Variants in DNAH6 observed in about 807,000 individuals in gnomAD.
DNAH6 encodes axonemal beta dynein heavy chain 6.
DNAH6 carries 340 observed loss-of-function variants against 491.4 expected under a neutral mutation model. The ratio of observed to expected loss-of-function variants is 0.69; its 90% CI spans 0.63 to 0.76. The LOEUF (loss-of-function observed/expected upper bound fraction) is 0.76, where lower values mean the gene tolerates loss of function less well. Ranked by LOEUF, DNAH6 falls within the 30% of genes least tolerant of loss-of-function variation. The probability of loss-of-function intolerance (pLI) is 0.00; values close to 1 mark genes in which losing one functional copy is unlikely to be tolerated. For missense variants in DNAH6, 4,443 were observed against 4,972.2 expected (o/e 0.89, Z 3.20); for synonymous variants, 1,603 against 1,686.1 (o/e 0.95, Z 1.21).
In DNAH6 at chr2:84,734,977, G is replaced by GCTT. The variant is rs146443206; in HGVS notation, c.10342+1401_10342+1403dup. On this transcript the variant is annotated intron_variant, in intron 62 of 76. Coordinates refer to ENST00000389394, the MANE Select transcript of DNAH6 (RefSeq NM_001370.2). The stretch of plus-strand genomic sequence containing the variant: ...TATATTGCATGCTGGGGAAGTTTGG[G>GCTT]CTTCTAATGATCTCATTGCCCAGGT... Among the ~76,000 whole-genome samples the GCTT allele has an allele frequency of 3.4e-3, 522 of 152,206 alleles. 5 individuals are homozygous for GCTT. The highest frequency in any genetic ancestry group is 0.012 in the African/African-American group (494 of 41,510).
At chr2:84,521,249 C>T (rs1275664073) in intron 2 of DNAH6, among the ~76,000 whole-genome samples, 2 of 151,618 alleles carry the variant, frequency 1.3e-5, no homozygotes, top group Non-Finnish European at 2.9e-5. Flanking sequence ...TTTTCATATG[C>T]TTGTTCGCTA....
chr2:84,708,304 G>A lies in DNAH6; in HGVS notation c.9048+588G>A, dbSNP rs115104949. 9.1e-3 allele frequency among the ~76,000 whole-genome samples: 1,384 copies of A among 151,902 alleles called. 8 individuals carry two copies. Among genetic ancestry groups the A allele is most frequent in the Non-Finnish European group, 0.015 (1,019 of 67,930 alleles). ...AAAAAAAAATACAAAAATTAGCTGG[G>A]CGTAGGGGCAGGTGCCTGTGATCCT... is the stretch of plus-strand genomic sequence containing the variant. On this transcript the variant is annotated intron_variant, in intron 54 of 76. Coordinates refer to ENST00000389394, the MANE Select transcript of DNAH6 (RefSeq NM_001370.2).
intron 26 of DNAH6, among the ~76,000 whole-genome samples, 190 bp from the exon 27 acceptor site, chr2:84,624,075 G>A (rs1401370139): frequency 1.1e-4 from 17 of 152,184 alleles, no homozygotes; most frequent in Admixed American, 1.1e-3. Flanking sequence ...TAGGGGTAAA[G>A]ACAGTATATA....
intron 12 of DNAH6, among the ~76,000 whole-genome samples, chr2:84,576,134 G>A (rs1682421226): frequency 1.3e-5 from 2 of 152,106 alleles, no homozygotes; most frequent in Admixed American, 1.3e-4. Context: ...GCATTATACG[G>A]GTATCCTTAC....
At chr2:84,620,383 G>C (rs975469062) in intron 24 of DNAH6, among the ~76,000 whole-genome samples, 4 of 152,192 alleles carry the variant, frequency 2.6e-5, no homozygotes, top group African/African-American at 4.8e-5. Context: ...GCTGGCAGCA[G>C]CATCTCCAGG....
rs1276756681 is a variant in DNAH6 at position 84,544,526 on chromosome 2, A to ATT, written c.930+26_930+27insTT. The ATT allele has an allele frequency of 6.4e-6, 8 of 1,242,296 alleles. No individual in the cohort carries two copies. In the Admixed American group the frequency reaches 2.0e-4, roughly 31 times the overall value. The allele number at this position is 1,242,296 out of a possible 1,614,324, so 77.0% of individuals were successfully genotyped here. ...GTATGTATTTATCATTTATATTTTA[A>ATT]AATAATTACTTACAAAAAAAGAAAG... On this transcript the variant is annotated intron_variant, in intron 5 of 76. Transcript: ENST00000389394.
At chr2:84,804,051 A>G (rs1679187878) in intron 70 of DNAH6, among the ~76,000 whole-genome samples, 1 of 152,070 alleles carries the variant, frequency 6.6e-6, no homozygotes, top group African/African-American at 2.4e-5. Flanking sequence ...TACTAAAACT[A>G]TAAAAATTAG....
intron 31 of DNAH6, among the ~76,000 whole-genome samples, chr2:84,639,955 G>A (rs1689232723): frequency 6.6e-6 from 1 of 152,162 alleles, no homozygotes; most frequent in African/African-American, 2.4e-5. Flanking sequence ...GCAGAAACTT[G>A]TCAGAAGAAA....
chr2:84,800,172 A>C (rs1239716975), intron 70 of DNAH6, among the ~76,000 whole-genome samples: 33 of 152,208 alleles, frequency 2.2e-4, no homozygotes, highest in Non-Finnish European at 5.9e-5. Context: ...CTCTGAAAGC[A>C]CCCAGAAACA....
chr2:84,474,941 A>G, the DNAH6 span, among the ~76,000 whole-genome samples: 33 of 152,202 alleles, frequency 2.2e-4, no homozygotes, highest in Admixed American at 2.0e-3. Flanking sequence ...TTGGATTAGT[A>G]CTACCAAAGC....
intron 68 of DNAH6, among the ~76,000 whole-genome samples, chr2:84,788,931 A>T (rs935806975): frequency 1.3e-5 from 2 of 152,226 alleles, no homozygotes; most frequent in African/African-American, 4.8e-5. Context: ...CCATTTCTGG[A>T]TCTAGTTTGA....
rs537271495 is a variant in DNAH6, at chr2:84,777,064, G to A, written c.10704-4429G>A. Among the ~76,000 whole-genome samples, 4 of 152,266 alleles carry A rather than the reference G, an allele frequency of 2.6e-5. No homozygotes were observed. In the South Asian group the frequency reaches 8.3e-4, roughly 32 times the overall value. ...GAACAATGAGAGCACTTGAACACAG[G>A]AAGGGAAACATCACATACTGGGGCC... On this transcript the variant is annotated intron_variant, in intron 64 of 76. Coordinates refer to ENST00000389394, the MANE Select transcript of DNAH6 (RefSeq NM_001370.2).
Position 84,699,802 on chromosome 2 carries a change from G to T in DNAH6, c.7818+68G>T, listed in dbSNP as rs1695721013. On this transcript the variant is annotated intron_variant, in intron 48 of 76. Transcript: ENST00000389394. ...CTTGACTTTAAAGGGGTAACACATT[G>T]TCCAAGAGTAACTCATGGGTACTTG... is the stretch of plus-strand genomic sequence containing the variant. 9.5e-6 allele frequency: 14 copies of T among 1,466,540 alleles called. 1 individual carries two copies. The highest frequency in any genetic ancestry group is 8.5e-5 in the African/African-American group (6 of 70,802). The allele number at this position is 1,466,540 out of a possible 1,614,324, so 90.8% of individuals were successfully genotyped here.
At chr2:84,480,690 C>T in the DNAH6 span, among the ~76,000 whole-genome samples, 12 of 152,292 alleles carry the variant, frequency 7.9e-5, no homozygotes, top group East Asian at 3.9e-4. Flanking sequence ...TGGCCAGGTG[C>T]GGTGGCTCAC....
At chr2:84,689,486 T>A (rs1197483032) in intron 45 of DNAH6, among the ~76,000 whole-genome samples, 1 of 152,210 alleles carries the variant, frequency 6.6e-6, no homozygotes, top group Non-Finnish European at 1.5e-5. Flanking sequence ...TCTCTCCACT[T>A]GTCTCTCGGC....
At chr2:84,661,270 GT>G (rs1691479944) in intron 37 of DNAH6, among the ~76,000 whole-genome samples, 1 of 151,986 alleles carries the variant, frequency 6.6e-6, no homozygotes, top group African/African-American at 2.4e-5. Flanking sequence ...TCACAACCCA[GT>G]TTTTAAAAAG....
Position 84,619,841 on chromosome 2 carries a change from T to G in DNAH6, c.3729T>G (p.Asp1243Glu). The G allele has an allele frequency of 1.3e-6, 2 of 1,551,410 alleles. No individual in the cohort carries two copies. Among genetic ancestry groups the G allele is most frequent in the Non-Finnish European group, 1.7e-6 (2 of 1,146,806 alleles). ...CCGAAGGAAAGATTCCTGGTATTGA[T>G]GGAGAACCAGAAAAGGTTTATACTA... Reference protein sequence around the residue: ...PPAEGKIPGIDGEPEKVYTND... With the variant: ...PPAEGKIPGIEGEPEKVYTND... Residue 1243 changes from aspartate to glutamate, a missense_variant, in exon 24 of 77, where the codon GAT (aspartate) becomes GAG (glutamate). By Grantham distance (45) the Asp-to-Glu change is conservative. Around this residue, in one of 3 missense-constraint regions of DNAH6, gnomAD observed 2,977 missense variants for 3,296.6 expected, o/e 0.90. Transcript: ENST00000389394.
chr2:84,666,626 A>G (rs1692153795), intron 37 of DNAH6, among the ~76,000 whole-genome samples: 1 of 152,226 alleles, frequency 6.6e-6, no homozygotes. Flanking sequence ...AGAACATTCC[A>G]TGCTCATGGA....
At chr2:84,593,043 C>T (rs532324280) in intron 16 of DNAH6, among the ~76,000 whole-genome samples, 1 of 152,256 alleles carries the variant, frequency 6.6e-6, no homozygotes, top group African/African-American at 2.4e-5. Flanking sequence ...GTTAGCATTA[C>T]TGTACTTTAC....
Sources: gnomAD v4.1 joint callset for allele counts (sites outside exome capture counted in the v4.1 genomes callset) on GRCh38, gnomAD v4.1.1 for gene constraint, gnomAD v4.1.1 regional missense constraint, MANE v1.5 for transcripts, NCBI Gene and HGNC (gene_info 2026-07-23, HGNC 2026-07-21) for gene names.